Variants in DNM3 observed in about 807,000 individuals in gnomAD.
DNM3 encodes dynamin 3.
In DNM3, 47 loss-of-function variants were observed where a neutral mutation model predicts 101.6. The ratio of observed to expected loss-of-function variants is 0.46; its 90% CI spans 0.37 to 0.59. DNM3 has a LOEUF of 0.59. DNM3 is among the 20% of genes least tolerant of loss of function. DNM3 has a pLI of 0.00. For missense variants in DNM3, 849 were observed against 1,085.7 expected, an observed-to-expected ratio of 0.78 and a Z score of 3.06; for synonymous variants, 385 against 387.9, an observed-to-expected ratio of 0.99 and a Z score of 0.09.
At chr1:172,298,855 A>G (rs868345097) in intron 15 of DNM3, among the ~76,000 whole-genome samples, 2 of 139,304 alleles carry the variant, frequency 1.4e-5, no homozygotes, top group Non-Finnish European at 3.2e-5. Context: ...AGAAGAAAGA[A>G]AGAAAGAGAG....
intron 6 of DNM3, 121 bp from the exon 7 acceptor site, chr1:172,038,198 A>C: frequency 7.8e-7 from 1 of 1,283,004 alleles, no homozygotes; most frequent in Non-Finnish European, 1.1e-6. Flanking sequence ...TGCAGACATA[A>C]TGTTTGAAAT....
At chr1:172,192,584 T>A (rs2059774761) in intron 14 of DNM3, among the ~76,000 whole-genome samples, 1 of 142,226 alleles carries the variant, frequency 7.0e-6, no homozygotes, top group East Asian at 2.1e-4. Context: ...TGTCCATGTG[T>A]TCTCATTGTT....
At chr1:171,845,606 AT>A (rs755621129) in intron 1 of DNM3, among the ~76,000 whole-genome samples, 9 of 152,240 alleles carry the variant, frequency 5.9e-5, no homozygotes, top group Admixed American at 1.3e-4. Flanking sequence ...ATTAATATTT[AT>A]TTACATATGT....
intron 14 of DNM3, among the ~76,000 whole-genome samples, chr1:172,177,923 C>T (rs2059210631): frequency 1.3e-5 from 2 of 151,760 alleles, no homozygotes; most frequent in Non-Finnish European, 2.9e-5. Flanking sequence ...TACAGTCATA[C>T]ATTGCTTAAC....
intron 17 of DNM3, among the ~76,000 whole-genome samples, chr1:172,372,175 T>C (rs2068372207): frequency 1.3e-5 from 2 of 150,498 alleles, no homozygotes; most frequent in African/African-American, 4.9e-5. Context: ...GTTTGGTTTT[T>C]TGTTCTTGCG....
intron 17 of DNM3, among the ~76,000 whole-genome samples, chr1:172,368,217 T>C (rs972821824): frequency 3.3e-5 from 5 of 151,934 alleles, no homozygotes; most frequent in African/African-American, 7.2e-5. Flanking sequence ...ATAGATCATA[T>C]GTTAGGCTAC....
Position 172,060,173 on chromosome 1 carries a change from A to G in DNM3, c.1336-8646A>G, listed in dbSNP as rs1213476273. Among the ~76,000 whole-genome samples, 5 of 140,562 alleles carry G rather than the reference A, an allele frequency of 3.6e-5. No homozygotes were observed. The East Asian group carries it at 7.0e-4, about 20-fold the overall frequency. The allele number at this position is 140,562 out of a possible 152,430, so 92.2% of individuals were successfully genotyped here. A position where few individuals can be genotyped will look rare whatever the true frequency, so the allele number is the denominator to read the frequency against. ...AGGACCTCTTCAAGGAGAACTACAA[A>G]CCACTGCTCAAGGAAATAAAAGAGG... On this transcript the variant is annotated intron_variant, in intron 10 of 20. Transcript: ENST00000627582.
chr1:171,900,676 G>A (rs2038232073), intron 1 of DNM3, among the ~76,000 whole-genome samples: 1 of 152,150 alleles, frequency 6.6e-6, no homozygotes, highest in Admixed American at 6.5e-5. Flanking sequence ...GTGGAGGAAG[G>A]AGTGAGGAAT....
At chr1:171,952,832 AGG>A (rs2042614770) in intron 2 of DNM3, among the ~76,000 whole-genome samples, 1 of 152,202 alleles carries the variant, frequency 6.6e-6, no homozygotes, top group African/African-American at 2.4e-5. Context: ...TGACTGGGAC[AGG>A]TAGTACCTCT....
At chr1:172,364,017 A>G (rs1199022747) in intron 17 of DNM3, among the ~76,000 whole-genome samples, 1 of 151,900 alleles carries the variant, frequency 6.6e-6, no homozygotes, top group Non-Finnish European at 1.5e-5. Flanking sequence ...CTTAGAGGCT[A>G]TACCATACCA....
chr1:172,377,978 A>C (rs1011737191), intron 17 of DNM3, among the ~76,000 whole-genome samples: 4 of 152,076 alleles, frequency 2.6e-5, no homozygotes, highest in Non-Finnish European at 5.9e-5. Context: ...TGCTATGCCT[A>C]GAACTGATTG....
At chr1:172,161,824 T>G (rs1460281473) in intron 14 of DNM3, among the ~76,000 whole-genome samples, 2 of 152,038 alleles carry the variant, frequency 1.3e-5, no homozygotes, top group Non-Finnish European at 2.9e-5. Context: ...AGACATAGAT[T>G]GAGCAAAAGA....
At chr1:172,209,499 G>A (rs1436310353) in intron 14 of DNM3, among the ~76,000 whole-genome samples, 1 of 151,960 alleles carries the variant, frequency 6.6e-6, no homozygotes, top group Non-Finnish European at 1.5e-5. Context: ...CAGGAGCCAA[G>A]TGAGTGGTTC....
chr1:172,099,997 T>A (rs2054522555), intron 13 of DNM3, among the ~76,000 whole-genome samples: 1 of 152,212 alleles, frequency 6.6e-6, no homozygotes, highest in African/African-American at 2.4e-5. Context: ...AAGGCATTGT[T>A]GACATGCTCC....
At chr1:172,404,658 C>A (rs1412993587) in intron 20 of DNM3, among the ~76,000 whole-genome samples, 1 of 152,042 alleles carries the variant, frequency 6.6e-6, no homozygotes, top group Non-Finnish European at 1.5e-5. Context: ...TCATTATAGA[C>A]CTACATTCCT....
chr1:172,314,036 G>T (rs1383656387), intron 16 of DNM3, among the ~76,000 whole-genome samples: 1 of 151,684 alleles, frequency 6.6e-6, no homozygotes, highest in African/African-American at 2.4e-5. Context: ...AACCATTGTG[G>T]AATGTAGTGT....
At chr1:172,149,483 T>A (rs2058046717) in intron 14 of DNM3, among the ~76,000 whole-genome samples, 1 of 152,086 alleles carries the variant, frequency 6.6e-6, no homozygotes, top group East Asian at 1.9e-4. Flanking sequence ...GATTAGAAAA[T>A]TGTTGCTGGC....
chr1:172,290,225 C>CCTAATTTTA (rs112324563), intron 15 of DNM3: 5,665 of 155,790 alleles, frequency 0.036, 327 homozygotes, highest in African/African-American at 0.12. Flanking sequence ...AGTTAACATA[C>CCTAATTTTA]CTAATTTTAC....
chr1:172,219,315 T>C (rs1163517311), intron 14 of DNM3, among the ~76,000 whole-genome samples: 1 of 145,860 alleles, frequency 6.9e-6, no homozygotes. Context: ...TGAGCTGAGA[T>C]TGCATCACTG....
Sources: allele counts gnomAD v4.1 joint callset (sites outside exome capture counted in the v4.1 genomes callset), GRCh38; gene constraint gnomAD v4.1.1; transcripts MANE v1.5; gene names NCBI Gene and HGNC (gene_info 2026-07-23, HGNC 2026-07-21).